The following SNCAIP variants were observed in gnomAD, a reference collection of about 807,000 sequenced individuals.
SNCAIP encodes the protein synuclein alpha interacting protein, also known as synphilin-1.
In SNCAIP, 43 loss-of-function variants were observed where a neutral mutation model predicts 86.7. The ratio of observed to expected loss-of-function variants is 0.50; its 90% CI spans 0.39 to 0.64. The LOEUF is 0.64. Ranked by LOEUF, SNCAIP falls within the 30% of genes least tolerant of loss-of-function variation. SNCAIP has a pLI of 0.00. For missense variants in SNCAIP, 981 were observed against 1,103.1 expected (o/e 0.89, Z 1.57); for synonymous variants, 417 against 427.2 (o/e 0.98, Z 0.29).
chr5:122,370,465 G>A (rs183983857), intron 1 of SNCAIP, among the ~76,000 whole-genome samples: 1 of 152,028 alleles, frequency 6.6e-6, no homozygotes. Flanking sequence ...TATGCCTCTG[G>A]AAGGATGGGA....
intron 2 of SNCAIP, among the ~76,000 whole-genome samples, chr5:122,400,156 G>A (rs1156387379): frequency 1.3e-5 from 2 of 151,972 alleles, no homozygotes; most frequent in African/African-American, 4.8e-5. Context: ...AATGGGTATG[G>A]CAACCACCGA....
chr5:122,438,804 C>T (rs538107343), intron 6 of SNCAIP, among the ~76,000 whole-genome samples: 16 of 152,138 alleles, frequency 1.1e-4, no homozygotes, highest in Non-Finnish European at 2.4e-4. Flanking sequence ...CTCTCCCCTC[C>T]ACATGTTTAG....
chr5:122,393,358 T>G (rs1040206105), intron 2 of SNCAIP, among the ~76,000 whole-genome samples: 1 of 152,204 alleles, frequency 6.6e-6, no homozygotes, highest in Non-Finnish European at 1.5e-5. Context: ...CTTCTAAAGT[T>G]ACTGTTTTTA....
rs1367711348 is a variant in SNCAIP, at chr5:122,389,858, T to C, written c.-46-1231T>C. The C allele has an allele frequency of 2.0e-5, 3 of 151,916 alleles. No individual in the cohort carries two copies. The East Asian group carries it at 5.8e-4, about 29-fold the overall frequency. The allele number at this position is 151,916 out of a possible 1,614,324, so 9.4% of individuals were successfully genotyped here. A position where few individuals can be genotyped will look rare whatever the true frequency, so the allele number is the denominator to read the frequency against. On this transcript the variant is annotated intron_variant, in intron 1 of 10. Transcript: ENST00000261368. ...GAGGAAACAGGAAAATTAAATCAAG[T>C]GATGGGTTTGAGGTAAGGAATGGCA... is the stretch of plus-strand genomic sequence containing the variant.
chr5:122,457,865 A>T (rs1785153899), intron 10 of SNCAIP, among the ~76,000 whole-genome samples: 2 of 152,232 alleles, frequency 1.3e-5, no homozygotes, highest in Non-Finnish European at 2.9e-5. Flanking sequence ...CAGTAGAATT[A>T]CAGGGAATTG....
rs778463226 is a variant in SNCAIP, at chr5:122,449,891, C to G, written c.1639C>G (p.Leu547Val). 1 of 1,614,070 alleles carries G rather than the reference C, an allele frequency of 6.2e-7. No individual in the cohort carries two copies. The highest frequency in any genetic ancestry group is 1.3e-5 in the African/African-American group (1 of 75,062). ...VTLQNQLQQF[L>V]EAQKSEGKSL... is the part of the protein sequence containing the mutation. ...GCTGCAGAACCAACTCCAACAATTT[C>G]TAGAAGCCCAGAAATCAGAGGGCAA... is the stretch of plus-strand genomic sequence containing the variant. The change falls in exon 9 of 11, where the codon CTA becomes GTA. Residue 547 changes from leucine to valine, a missense_variant. Transcript: ENST00000261368.
At chr5:122,366,370 GAC>G (rs1208624519) in intron 1 of SNCAIP, among the ~76,000 whole-genome samples, 2 of 151,950 alleles carry the variant, frequency 1.3e-5, no homozygotes, top group African/African-American at 4.8e-5. Context: ...GAGAAAGAGA[GAC>G]AGAGAAAGAC....
rs1772402484 is a variant in SNCAIP, at chr5:122,403,931, T to C, written c.130+66T>C. On this transcript the variant is annotated intron_variant, in intron 3 of 10. Transcript: ENST00000261368. Reference sequence around the variant, plus strand: ...GTGTTAATGGCTCCTGGAAAGCTGTTTTTCCTCACACTGGTCCCCCCTGCT... The same window carrying C: ...GTGTTAATGGCTCCTGGAAAGCTGTCTTTCCTCACACTGGTCCCCCCTGCT... 11 of 1,211,008 alleles carry C rather than the reference T, an allele frequency of 9.1e-6. No individual in the cohort carries two copies. The South Asian group carries it at 1.3e-4, about 15-fold the overall frequency. 75.0% of individuals were successfully genotyped at this position (1,211,008 alleles called of 1,614,324 possible). A position where few individuals can be genotyped will look rare whatever the true frequency, so the allele number is the denominator to read the frequency against.
chr5:122,441,435 G>A (rs1269483311), intron 7 of SNCAIP, among the ~76,000 whole-genome samples: 1 of 152,182 alleles, frequency 6.6e-6, no homozygotes, highest in Non-Finnish European at 1.5e-5. Context: ...TATCCAGTGT[G>A]TACAATGATG....
chr5:122,438,736 T>C (rs996433988), intron 6 of SNCAIP, among the ~76,000 whole-genome samples: 2 of 152,202 alleles, frequency 1.3e-5, no homozygotes, highest in African/African-American at 2.4e-5. Context: ...CATTGTCCGC[T>C]CCCTCAGTTT....
intron 1 of SNCAIP, among the ~76,000 whole-genome samples, chr5:122,345,252 G>A (rs1251831578): frequency 6.6e-6 from 1 of 152,156 alleles, no homozygotes; most frequent in African/African-American, 2.4e-5. Flanking sequence ...ATGCCCTCAT[G>A]TGTTTCTTAA....
chr5:122,386,816 A>G (rs1580897671), intron 1 of SNCAIP, among the ~76,000 whole-genome samples: 2 of 143,518 alleles, frequency 1.4e-5, no homozygotes, highest in African/African-American at 5.6e-5. Flanking sequence ...ATCTCTCCCC[A>G]CTTCAAAAAA....
At chr5:122,462,583 A>AGAT (rs926596458) in intron 10 of SNCAIP, among the ~76,000 whole-genome samples, 1 of 152,278 alleles carries the variant, frequency 6.6e-6, no homozygotes. Context: ...TATAACTTTC[A>AGAT]GATGATGATG....
At chr5:122,353,931 G>A (rs1201481341) in intron 1 of SNCAIP, among the ~76,000 whole-genome samples, 7 of 152,118 alleles carry the variant, frequency 4.6e-5, no homozygotes, top group Admixed American at 3.3e-4. Context: ...ACCACGTTAG[G>A]GCTGAAGAAA....
chr5:122,423,536 C>G lies in SNCAIP; in HGVS notation c.799C>G (p.His267Asp). The change falls in exon 4 of 11, where the codon CAT becomes GAT. Residue 267 changes from histidine to aspartate, a missense_variant. Coordinates refer to ENST00000261368, the MANE Select transcript of SNCAIP (RefSeq NM_005460.4). ...CCTAAACAAGACATTTAGTGATCCT[C>G]ATGGTCGAAAAGTTGAGAAGACAAC... ...DFLNKTFSDP[H>D]GRKVEKTTPD... 6.2e-7 allele frequency: 1 copy of G among 1,614,156 alleles called. No individual in the cohort carries two copies. The highest frequency in any genetic ancestry group is 8.5e-7 in the Non-Finnish European group (1 of 1,180,014).
chr5:122,317,302 G>C (rs1193696140), intron 1 of SNCAIP, among the ~76,000 whole-genome samples: 1 of 152,182 alleles, frequency 6.6e-6, no homozygotes, highest in Non-Finnish European at 1.5e-5. Flanking sequence ...GCTCAAGTAG[G>C]AAAGGGCATA....
intron 1 of SNCAIP, among the ~76,000 whole-genome samples, chr5:122,384,730 A>G (rs977303883): frequency 6.6e-6 from 1 of 152,206 alleles, no homozygotes; most frequent in Non-Finnish European, 1.5e-5. Flanking sequence ...AGCAGGCTCA[A>G]TATATTACAC....
intron 6 of SNCAIP, 55 bp downstream of exon 6, chr5:122,432,137 T>TGACCA: frequency 1.3e-6 from 1 of 785,980 alleles, no homozygotes; most frequent in Non-Finnish European, 2.3e-6. Context: ...ATCTTCCTAC[T>TGACCA]TTTTTATTAT....
At chr5:122,395,586 T>C (rs536160109) in intron 2 of SNCAIP, among the ~76,000 whole-genome samples, 2 of 152,294 alleles carry the variant, frequency 1.3e-5, no homozygotes, top group South Asian at 2.1e-4. Context: ...TTAATTCTTA[T>C]GGTAAAATAA....
Sources: allele counts gnomAD v4.1 joint callset (sites outside exome capture counted in the v4.1 genomes callset), GRCh38; gene constraint gnomAD v4.1.1; transcripts MANE v1.5; gene names NCBI Gene and HGNC (gene_info 2026-07-23, HGNC 2026-07-21).